Variants in RAD51B observed in about 807,000 individuals in gnomAD.
RAD51B encodes the protein DNA repair protein RAD51 homolog 2.
Under a neutral mutation model 42.2 loss-of-function variants are expected in RAD51B, and 38 were observed. The observed-to-expected ratio is 0.90, with a 90% CI of 0.70 to 1.18. RAD51B has a LOEUF of 1.18. Among genes scored for constraint, RAD51B ranks in the 50% most tolerant of loss-of-function variants. The pLI is 0.00. For missense variants in RAD51B, 373 were observed against 400.7 expected, an observed-to-expected ratio of 0.93 and a Z score of 0.59; for synonymous variants, 154 against 145.2, an observed-to-expected ratio of 1.06 and a Z score of -0.43.
chr14:68,379,781 G>A (rs1344940346), intron 8 of RAD51B, among the ~76,000 whole-genome samples: 1 of 152,202 alleles, frequency 6.6e-6, no homozygotes, highest in Non-Finnish European at 1.5e-5. Context: ...TTAGTGACCA[G>A]GGACATCACA....
intron 7 of RAD51B, among the ~76,000 whole-genome samples, chr14:68,151,587 A>G (rs2078381064): frequency 6.6e-6 from 1 of 151,896 alleles, no homozygotes; most frequent in African/African-American, 2.4e-5. Context: ...AATGTCCCAC[A>G]GCTCCATTCA....
At chr14:67,991,032 A>T (rs1001419504) in intron 7 of RAD51B, among the ~76,000 whole-genome samples, 4 of 152,228 alleles carry the variant, frequency 2.6e-5, no homozygotes, top group Admixed American at 2.0e-4. Flanking sequence ...AAAACATTAG[A>T]TAATGATTGC....
chr14:68,505,151 G>A (rs1004146849), intron 10 of RAD51B, among the ~76,000 whole-genome samples: 5 of 152,344 alleles, frequency 3.3e-5, no homozygotes, highest in African/African-American at 2.4e-5. Context: ...GGAACCCCAC[G>A]GAGATTCCCT....
intron 10 of RAD51B, among the ~76,000 whole-genome samples, chr14:68,570,102 A>G (rs1385952709): frequency 2.0e-5 from 3 of 152,210 alleles, no homozygotes; most frequent in Non-Finnish European, 4.4e-5. Flanking sequence ...AATGTGGCCC[A>G]GAGTAACAGA....
intron 7 of RAD51B, among the ~76,000 whole-genome samples, chr14:68,275,350 G>C (rs1225244681): frequency 6.6e-6 from 1 of 152,054 alleles, no homozygotes; most frequent in Non-Finnish European, 1.5e-5. Flanking sequence ...ACCTCTAGTT[G>C]AGCTTTGCTG....
At chr14:68,279,011 A>T (rs992143012) in intron 7 of RAD51B, among the ~76,000 whole-genome samples, 11 of 151,816 alleles carry the variant, frequency 7.2e-5, no homozygotes, top group African/African-American at 2.7e-4. Flanking sequence ...CCTGCTTCTC[A>T]GTACATTCCA....
intron 7 of RAD51B, among the ~76,000 whole-genome samples, chr14:68,070,251 G>A (rs1256483312): frequency 3.9e-5 from 6 of 152,066 alleles, no homozygotes; most frequent in Non-Finnish European, 8.8e-5. Flanking sequence ...TCTGTTTACA[G>A]TTTCTTGCCA....
chr14:68,554,890 C>T (rs1243699401), intron 10 of RAD51B, among the ~76,000 whole-genome samples: 2 of 151,384 alleles, frequency 1.3e-5, no homozygotes, highest in Non-Finnish European at 2.9e-5. Context: ...ACTCTGTTGC[C>T]CAGGCTGGAG....
At chr14:68,205,006 C>A (rs1028842) in intron 7 of RAD51B, among the ~76,000 whole-genome samples, 26,002 of 151,958 alleles carry the variant, frequency 0.17, 2,367 homozygotes, top group Middle Eastern at 0.36. Context: ...ACACTTATGA[C>A]AATAAAAAAA....
intron 7 of RAD51B, among the ~76,000 whole-genome samples, chr14:67,897,017 G>A (rs998241762): frequency 5.5e-4 from 83 of 152,028 alleles, no homozygotes; most frequent in African/African-American, 1.9e-3. Flanking sequence ...TTCAATAAAC[G>A]GTGTCAGGAA....
chr14:67,835,059 C>A, intron 3 of RAD51B, 21 bp from the exon 4 acceptor site: 2 of 1,488,862 alleles, frequency 1.3e-6, no homozygotes, highest in Non-Finnish European at 1.9e-6. Flanking sequence ...TGAAAAAAAA[C>A]TTAATCATTT....
chr14:68,588,810 A>T (rs927446830), intron 10 of RAD51B, among the ~76,000 whole-genome samples: 6 of 152,264 alleles, frequency 3.9e-5, no homozygotes, highest in Admixed American at 3.9e-4. Flanking sequence ...GTGTTCTGTC[A>T]TTACAGTCCC....
chr14:67,998,507 C>T (rs182996348), intron 7 of RAD51B, among the ~76,000 whole-genome samples: 3 of 152,292 alleles, frequency 2.0e-5, no homozygotes, highest in East Asian at 3.9e-4. Context: ...CTACCAAAAA[C>T]AGAATGGTAC....
chr14:68,216,860 C>T (rs865841844), intron 7 of RAD51B, among the ~76,000 whole-genome samples: 1 of 152,096 alleles, frequency 6.6e-6, no homozygotes, highest in Admixed American at 6.5e-5. Flanking sequence ...AATCCCTGTC[C>T]GACCCCCCTC....
At chr14:68,332,660 T>G (rs2082373466) in intron 8 of RAD51B, among the ~76,000 whole-genome samples, 1 of 152,230 alleles carries the variant, frequency 6.6e-6, no homozygotes, top group Non-Finnish European at 1.5e-5. Flanking sequence ...TTATTTCTAA[T>G]TCTAGGCTGT....
intron 8 of RAD51B, among the ~76,000 whole-genome samples, chr14:68,390,919 G>C (rs1390087204): frequency 2.6e-5 from 4 of 152,214 alleles, no homozygotes; most frequent in Admixed American, 2.6e-4. Context: ...AGGATCTAAA[G>C]ACGTACTTGT....
At chr14:68,307,455 CT>C (rs574899587) in intron 8 of RAD51B, among the ~76,000 whole-genome samples, 176 of 152,260 alleles carry the variant, frequency 1.2e-3, no homozygotes, top group Admixed American at 3.1e-3. Context: ...TGAATTTACC[CT>C]TTTGATATGG....
chr14:68,663,391 C>T (rs540533933), intron 11 of RAD51B, among the ~76,000 whole-genome samples: 3 of 152,044 alleles, frequency 2.0e-5, no homozygotes, highest in South Asian at 4.2e-4. Flanking sequence ...TGTAATGGGC[C>T]CTTGCTTGGC....
intron 7 of RAD51B, among the ~76,000 whole-genome samples, chr14:68,137,195 G>A (rs943507992): frequency 6.6e-6 from 1 of 152,190 alleles, no homozygotes; most frequent in Non-Finnish European, 1.5e-5. Flanking sequence ...AGAATCACAT[G>A]AACCCGGGAG....
Sources: allele counts gnomAD v4.1 joint callset (sites outside exome capture counted in the v4.1 genomes callset), GRCh38; gene constraint gnomAD v4.1.1; transcripts MANE v1.5; gene names NCBI Gene and HGNC (gene_info 2026-07-23, HGNC 2026-07-21).